The following ARID2 variants were observed in gnomAD, a reference collection of about 807,000 sequenced individuals.
ARID2 encodes the protein AT-rich interactive domain-containing protein 2.
A neutral mutation model predicts 184.6 loss-of-function variants in ARID2; 32 were observed. That is an observed-to-expected ratio of 0.17 (90% CI 0.13 to 0.23). The LOEUF (loss-of-function observed/expected upper bound fraction) is 0.23, where lower values mean the gene tolerates loss of function less well. Among genes scored for constraint, ARID2 ranks in the 10% least tolerant of loss-of-function variants. The probability of loss-of-function intolerance (pLI) is 1.00; values close to 1 mark genes in which losing one functional copy is unlikely to be tolerated. For synonymous variants in ARID2, 836 were observed against 772.6 expected (o/e 1.08, Z -1.36); for missense variants, 1,696 against 2,197.6 (o/e 0.77, Z 4.56).
chr12:45,806,345 C>T lies in ARID2; in HGVS notation c.285-5073C>T, dbSNP rs11183207. Among the ~76,000 whole-genome samples, 63 of 152,186 alleles carry T rather than the reference C, an allele frequency of 4.1e-4. No individual in the cohort carries two copies. In the East Asian group the frequency reaches 0.011, roughly 26 times the overall value. Reference sequence around the variant, plus strand: ...CATTTTGCCTGGTGACCCATGTACCCGGACACCCTAGCCCCAGGGAACTTT... The same window carrying T: ...CATTTTGCCTGGTGACCCATGTACCTGGACACCCTAGCCCCAGGGAACTTT... On this transcript the variant is annotated intron_variant, in intron 3 of 20. Transcript: ENST00000334344.
At chr12:45,889,799 G>T (rs959555164) in intron 16 of ARID2, among the ~76,000 whole-genome samples, 1 of 152,190 alleles carries the variant, frequency 6.6e-6, no homozygotes. Flanking sequence ...TTAGCTGGGC[G>T]TGGTGGCAGG....
At chr12:45,781,578 A>G (rs2138039303) in intron 3 of ARID2, among the ~76,000 whole-genome samples, 1 of 151,638 alleles carries the variant, frequency 6.6e-6, no homozygotes, top group Admixed American at 6.6e-5. Context: ...CTTTTCTGTT[A>G]TAATTTTTCT....
chr12:45,869,026 GT>G (rs60673420), intron 16 of ARID2, among the ~76,000 whole-genome samples: 85,455 of 147,926 alleles, frequency 0.58, 25,289 homozygotes, highest in African/African-American at 0.75. Flanking sequence ...ATTGCTTTTT[GT>G]TTTTTTTTTT....
At chr12:45,845,162 G>A (rs1323453210) in intron 11 of ARID2, among the ~76,000 whole-genome samples, 2 of 151,926 alleles carry the variant, frequency 1.3e-5, no homozygotes. Context: ...TGATTTCAAC[G>A]TAATTTCTAG....
intron 11 of ARID2, chr12:45,846,104 A>T (rs950139041): frequency 3.9e-5 from 6 of 152,166 alleles, no homozygotes; most frequent in Non-Finnish European, 7.4e-5. Context: ...TGACCTTGAA[A>T]CTTTTAGAAT....
At chr12:45,821,538 C>T in intron 6 of ARID2, 51 bp downstream of exon 6, 1 of 1,169,434 alleles carries the variant, frequency 8.6e-7, no homozygotes, top group South Asian at 1.9e-5. Context: ...TGCAGCTAAG[C>T]CAACAATAGA....
intron 3 of ARID2, among the ~76,000 whole-genome samples, chr12:45,759,609 G>T (rs73095482): frequency 1.3e-5 from 2 of 151,990 alleles, no homozygotes; most frequent in African/African-American, 4.8e-5. Flanking sequence ...ATGTCCGTTC[G>T]TTTTTTTAGA....
chr12:45,846,960 GGAT>G, intron 12 of ARID2, 23 bp downstream of exon 12: 2 of 1,604,276 alleles, frequency 1.2e-6, no homozygotes, highest in Non-Finnish European at 1.7e-6. Context: ...TTTCTATTAA[GGAT>G]TTATCCTTGG....
At chr12:45,760,248 G>T (rs920643909) in intron 3 of ARID2, among the ~76,000 whole-genome samples, 5 of 152,132 alleles carry the variant, frequency 3.3e-5, no homozygotes, top group African/African-American at 1.2e-4. Context: ...GGTAATTGAA[G>T]TGTCTCTTTG....
At chr12:45,872,569 A>G (rs181476070) in intron 16 of ARID2, among the ~76,000 whole-genome samples, 500 of 152,316 alleles carry the variant, frequency 3.3e-3, no homozygotes, top group African/African-American at 0.012. Flanking sequence ...CGTCCTTCAC[A>G]TGGCAGCAAG....
chr12:45,880,071 A>T (rs1318908183), intron 16 of ARID2, among the ~76,000 whole-genome samples: 1 of 152,126 alleles, frequency 6.6e-6, no homozygotes, highest in Non-Finnish European at 1.5e-5. Context: ...CTTTTGTTTT[A>T]TATATAGGGG....
At chr12:45,805,976 T>C (rs1425143463) in intron 3 of ARID2, among the ~76,000 whole-genome samples, 1 of 152,152 alleles carries the variant, frequency 6.6e-6, no homozygotes, top group Non-Finnish European at 1.5e-5. Flanking sequence ...TTCTTAATTT[T>C]GTTTCATCTA....
At position 45,851,803 on chromosome 12, in the gene ARID2, AATC is replaced by A. The variant is rs1943555833; in HGVS notation, c.3686_3688del (p.Ser1229del). The A allele has an allele frequency of 2.5e-6, 4 of 1,614,178 alleles. No individual in the cohort carries two copies. The highest frequency in any genetic ancestry group is 2.5e-6 in the Non-Finnish European group (3 of 1,180,006). ...GCCACTCAAGCATCTCCTGCTGGACAATCATCATGTACTACTGCTACTCCCCCA... is the reference window on the plus strand; with the variant it reads ...GCCACTCAAGCATCTCCTGCTGGACAATCATGTACTACTGCTACTCCCCCA... On this transcript the variant is annotated inframe_deletion, in exon 15 of 21. Transcript: ENST00000334344.
chr12:45,733,001 C>G (rs189412451), intron 3 of ARID2, among the ~76,000 whole-genome samples: 1 of 151,960 alleles, frequency 6.6e-6, no homozygotes, highest in Non-Finnish European at 1.5e-5. Context: ...TATATAGTTT[C>G]AACATTGTAA....
chr12:45,852,085 T>A lies in ARID2; in HGVS notation c.3962T>A (p.Leu1321Gln), dbSNP rs1943562826. 3 of 1,614,038 alleles carry A rather than the reference T, an allele frequency of 1.9e-6. No homozygotes were observed. Among genetic ancestry groups the A allele is most frequent in the African/African-American group, 2.7e-5 (2 of 74,942 alleles). The part of the protein sequence containing the change: ...KIQSETNQCS[L>Q]ISNGPSLELG... The stretch of plus-strand genomic sequence containing the variant: ...CAAAGTGAGACTAATCAGTGCTCAC[T>A]AATCAGTAATGGGCCATCATTGGAA... Residue 1321 changes from leucine to glutamine, a missense_variant, in exon 15 of 21, where the codon CTA becomes CAA. By Grantham distance (113) the Leu-to-Gln change is moderately radical (BLOSUM62 -2). Transcript: ENST00000334344.
intron 3 of ARID2, among the ~76,000 whole-genome samples, chr12:45,780,400 T>A (rs1306884438): frequency 6.6e-6 from 1 of 152,176 alleles, no homozygotes; most frequent in Admixed American, 6.5e-5. Context: ...TCTGTATAAG[T>A]TTTATTCATA....
intron 16 of ARID2, among the ~76,000 whole-genome samples, chr12:45,884,871 C>G (rs1191773610): frequency 6.6e-6 from 1 of 152,128 alleles, no homozygotes; most frequent in African/African-American, 2.4e-5. Flanking sequence ...ACTAGTCAAT[C>G]AGTTGTTCCC....
At chr12:45,822,246 A>G (rs1942911544) in intron 6 of ARID2, among the ~76,000 whole-genome samples, 1 of 152,194 alleles carries the variant, frequency 6.6e-6, no homozygotes. Context: ...TCACACCTGT[A>G]ATCCCAGCAC....
At chr12:45,840,396 C>T (rs1473116578) in intron 11 of ARID2, 2 of 152,124 alleles carry the variant, frequency 1.3e-5, no homozygotes, top group African/African-American at 4.8e-5. Flanking sequence ...AACTTATTAG[C>T]ATCTGGACTC....
Sources: allele counts gnomAD v4.1 joint callset (sites outside exome capture counted in the v4.1 genomes callset), GRCh38; gene constraint gnomAD v4.1.1; transcripts MANE v1.5; gene names NCBI Gene and HGNC (gene_info 2026-07-23, HGNC 2026-07-21).